Variants in ATOH8 observed in about 807,000 individuals in gnomAD.
ATOH8 encodes the protein transcription factor ATOH8.
Under a neutral mutation model 21.2 loss-of-function variants are expected in ATOH8, and 9 were observed. The ratio of observed to expected loss-of-function variants is 0.42; its 90% CI spans 0.26 to 0.74. The LOEUF is 0.74. Among genes scored for constraint, ATOH8 ranks in the 30% least tolerant of loss-of-function variants. The pLI is 0.24. For missense variants in ATOH8, 524 were observed against 470.9 expected (o/e 1.11, Z -1.04); for synonymous variants, 253 against 224.0 (o/e 1.13, Z -1.16).
At chr2:85,774,156 C>T in intron 2 of ATOH8, 1 of 985,484 alleles carries the variant, frequency 1.0e-6, no homozygotes, top group South Asian at 4.7e-5. Context: ...AGAAGTTGGT[C>T]TTCGTGGGGC....
intron 1 of ATOH8, among the ~76,000 whole-genome samples, chr2:85,761,241 C>T (rs1679863814): frequency 6.6e-6 from 1 of 152,172 alleles, no homozygotes; most frequent in South Asian, 2.1e-4. Flanking sequence ...GTTTCAGGCT[C>T]CAGCCGGGTC....
chr2:85,782,980 C>T (rs191344498), intron 2 of ATOH8, among the ~76,000 whole-genome samples: 73 of 152,288 alleles, frequency 4.8e-4, no homozygotes, highest in East Asian at 2.3e-3. Context: ...ACAGGCGTGA[C>T]GCCTGGCCCA....
chr2:85,775,641 T>C (rs1314472730), intron 2 of ATOH8, among the ~76,000 whole-genome samples: 1 of 152,158 alleles, frequency 6.6e-6, no homozygotes, highest in Non-Finnish European at 1.5e-5. Context: ...TCAAGCTGCA[T>C]CTACAGTCAG....
chr2:85,759,952 A>C (rs1451392457), intron 1 of ATOH8, among the ~76,000 whole-genome samples: 1 of 152,090 alleles, frequency 6.6e-6, no homozygotes, highest in Non-Finnish European at 1.5e-5. Context: ...CTGCGATCTC[A>C]TTCTGAGGTA....
chr2:85,774,279 G>C, intron 2 of ATOH8: 1 of 985,594 alleles, frequency 1.0e-6, no homozygotes, highest in Non-Finnish European at 1.2e-6. Flanking sequence ...GGCTTCCAGA[G>C]GACAAGAGGA....
At chr2:85,756,049 T>TTGGGG (rs1380649344) in intron 1 of ATOH8, among the ~76,000 whole-genome samples, 2 of 151,160 alleles carry the variant, frequency 1.3e-5, no homozygotes, top group East Asian at 3.9e-4. Flanking sequence ...CTGCTGGGGG[T>TTGGGG]TGGGGTGGGG....
In ATOH8 at chr2:85,754,089, G is replaced by C. The variant is rs1388104807; in HGVS notation, c.-101G>C. On this transcript the variant is annotated 5_prime_UTR_variant, in exon 1 of 3. Coordinates refer to ENST00000306279, the MANE Select transcript of ATOH8 (RefSeq NM_032827.7). Reference sequence around the variant, plus strand: ...CGAGGGGGAGAAAGGGAGAGAGGGAGGGGGAGGGCGGGCGAAGCGGGAGAG... The same window carrying C: ...CGAGGGGGAGAAAGGGAGAGAGGGACGGGGAGGGCGGGCGAAGCGGGAGAG... 7.6e-7 allele frequency: 1 copy of C among 1,320,722 alleles called. No individual in the cohort carries two copies. Among genetic ancestry groups the C allele is most frequent in the Admixed American group, 3.9e-5 (1 of 25,372 alleles). The allele number at this position is 1,320,722 out of a possible 1,614,324, so 81.8% of individuals were successfully genotyped here.
At chr2:85,782,400 A>C (rs1336853016) in intron 2 of ATOH8, among the ~76,000 whole-genome samples, 6 of 152,256 alleles carry the variant, frequency 3.9e-5, no homozygotes, top group Admixed American at 6.5e-5. Flanking sequence ...AATGCCCCAA[A>C]GTGGTAAAAT....
At position 85,764,204 on chromosome 2, in the gene ATOH8, G is replaced by C; in HGVS notation, c.960+22G>C. On this transcript the variant is annotated intron_variant, in intron 2 of 2. Coordinates refer to ENST00000306279, the MANE Select transcript of ATOH8 (RefSeq NM_032827.7). ...CAAGGTATGCACCAGCTGGGTGGGC[G>C]GTAGCTTCTGGGGAGCATAGGGGAG... 1.9e-6 allele frequency: 3 copies of C among 1,612,648 alleles called. No individual in the cohort carries two copies. In the South Asian group the frequency reaches 3.3e-5, roughly 18 times the overall value.
At position 85,754,383 on chromosome 2, in the gene ATOH8, A is replaced by G; in HGVS notation, c.194A>G (p.His65Arg). 6.3e-7 allele frequency: 1 copy of G among 1,588,148 alleles called. No homozygotes were observed. Among genetic ancestry groups the G allele is most frequent in the South Asian group, 1.1e-5 (1 of 89,010 alleles). ...ACCAACGGGCTGCGGGACAGGACCC[A>G]TCGGCTGCAGCCGGTCCCGGTACCG... ...VATNGLRDRTHRLQPVPVPVP... is the reference protein window; with the variant it reads ...VATNGLRDRTRRLQPVPVPVP... The change falls in exon 1 of 3, where the codon CAT (histidine) becomes CGT (arginine). Residue 65 changes from histidine (H) to arginine (R), a missense_variant. Transcript: ENST00000306279.
At position 85,790,035 on chromosome 2, in the gene ATOH8, G is replaced by A. The variant is rs1028362505; in HGVS notation, c.*3145G>A. On this transcript the variant is annotated 3_prime_UTR_variant, in exon 3 of 3. Coordinates refer to ENST00000306279, the MANE Select transcript of ATOH8 (RefSeq NM_032827.7). ...ATTTCAGATAGATTCAGATTCCAAC[G>A]GCAGTCTTCTAAACACTTTTATGCA... Among the ~76,000 whole-genome samples the A allele has an allele frequency of 6.6e-6, 1 of 152,160 alleles. No individual in the cohort carries two copies. Among genetic ancestry groups the A allele is most frequent in the Non-Finnish European group, 1.5e-5 (1 of 68,030 alleles).
chr2:85,774,978 A>G (rs1317735744), intron 2 of ATOH8: 1 of 985,364 alleles, frequency 1.0e-6, no homozygotes, highest in African/African-American at 1.7e-5. Flanking sequence ...GTCGTAGCAC[A>G]GGGATGCTTT....
chr2:85,759,881 T>C (rs1301104179), intron 1 of ATOH8, among the ~76,000 whole-genome samples: 1 of 152,068 alleles, frequency 6.6e-6, no homozygotes. Context: ...TTGAGGCCTT[T>C]GTTGCATTCT....
intron 1 of ATOH8, 56 bp downstream of exon 1, chr2:85,755,013 G>A: frequency 6.6e-7 from 1 of 1,509,110 alleles, no homozygotes; most frequent in South Asian, 1.3e-5. Flanking sequence ...GCGGGAATGG[G>A]TGGGCGAGTG....
chr2:85,767,558 C>CCA (rs1680049350), intron 2 of ATOH8, among the ~76,000 whole-genome samples: 1 of 62,918 alleles, frequency 1.6e-5, no homozygotes. Context: ...CTTGGTATTC[C>CCA]CTCTTCCCCT....
intron 2 of ATOH8, chr2:85,774,662 A>G (rs1366066127): frequency 3.0e-6 from 3 of 985,116 alleles, no homozygotes; most frequent in African/African-American, 1.7e-5. Context: ...TCCATCCCCT[A>G]CTTAGCTCCC....
rs1380817664 is a variant in ATOH8 at position 85,754,965 on chromosome 2, C to T, written c.768+8C>T. The T allele has an allele frequency of 2.5e-6, 4 of 1,580,974 alleles. No individual in the cohort carries two copies. The highest frequency in any genetic ancestry group is 3.4e-6 in the Non-Finnish European group (4 of 1,169,700). On this transcript the variant is annotated splice_region_variant and intron_variant, in intron 1 of 2. Coordinates refer to ENST00000306279, the MANE Select transcript of ATOH8 (RefSeq NM_032827.7). Reference sequence around the variant, plus strand: ...GAGGCGCTCAGGAAGCAGGTACCCGCTCGCCGCCGCACGCCCTCACTGCGC... The same window carrying T: ...GAGGCGCTCAGGAAGCAGGTACCCGTTCGCCGCCGCACGCCCTCACTGCGC...
At position 85,787,030 on chromosome 2, in the gene ATOH8, G is replaced by A. The variant is rs1000835598; in HGVS notation, c.*140G>A. 50 of 1,142,606 alleles carry A rather than the reference G, an allele frequency of 4.4e-5. No individual in the cohort carries two copies. The highest frequency in any genetic ancestry group is 5.8e-5 in the Non-Finnish European group (46 of 791,830). The allele number at this position is 1,142,606 out of a possible 1,614,324, so 70.8% of individuals were successfully genotyped here. On this transcript the variant is annotated 3_prime_UTR_variant, in exon 3 of 3. Transcript: ENST00000306279. Reference sequence around the variant, plus strand: ...GCCCAGCCTACAGCCTCTCAGGGTCGGATCGGAGCACGCCTGCCTCCCTCT... The same window carrying A: ...GCCCAGCCTACAGCCTCTCAGGGTCAGATCGGAGCACGCCTGCCTCCCTCT...
At chr2:85,775,717 C>T (rs545613109) in intron 2 of ATOH8, among the ~76,000 whole-genome samples, 1 of 152,260 alleles carries the variant, frequency 6.6e-6, no homozygotes, top group East Asian at 1.9e-4. Context: ...CCAGACAGCC[C>T]CTCCCTTCCT....
Sources: gnomAD v4.1 joint callset for allele counts (sites outside exome capture counted in the v4.1 genomes callset) on GRCh38, gnomAD v4.1.1 for gene constraint, MANE v1.5 for transcripts, NCBI Gene and HGNC (gene_info 2026-07-23, HGNC 2026-07-21) for gene names.